The following KIAA1217 variants were observed in gnomAD, a reference collection of about 807,000 sequenced individuals.
The protein encoded by KIAA1217 is sickle tail protein homolog.
KIAA1217 carries 88 observed loss-of-function variants against 163.9 expected under a neutral mutation model. That is an observed-to-expected ratio of 0.54 (90% CI 0.45 to 0.64). The LOEUF is 0.64. KIAA1217 is among the 30% of genes least tolerant of loss of function. The pLI, the probability that KIAA1217 is intolerant of heterozygous loss-of-function variation, is 0.00. For synonymous variants in KIAA1217, 903 were observed against 923.1 expected (o/e 0.98, Z 0.39); for missense variants, 2,372 against 2,475.0 (o/e 0.96, Z 0.88).
At chr10:24,275,402 C>A (rs955313770) in intron 2 of KIAA1217, among the ~76,000 whole-genome samples, 6 of 152,178 alleles carry the variant, frequency 3.9e-5, no homozygotes, top group Admixed American at 1.3e-4. Context: ...GGAAAGGGTG[C>A]TTCCTTACAG....
rs1392267524 is a variant in KIAA1217 at position 24,473,725 on chromosome 10, A to G, written c.1344A>G (p.Gln448=). Residue 448 remains glutamine (Q), a synonymous_variant, in exon 6 of 21, where the codon CAA becomes CAG. Transcript: ENST00000376454. ...TGCAAGCGGAAATGCATATGGAACAATCACTGTACAGACAGAAATCAAGGA... is the reference window on the plus strand; with the variant it reads ...TGCAAGCGGAAATGCATATGGAACAGTCACTGTACAGACAGAAATCAAGGA... ...PSMQAEMHME[Q]SLYRQKSRKY... The G allele has an allele frequency of 2.5e-6, 4 of 1,614,064 alleles. No homozygotes were observed. Among genetic ancestry groups the G allele is most frequent in the Non-Finnish European group, 3.4e-6 (4 of 1,180,016 alleles).
At chr10:24,012,561 A>T (rs1847282730) in intron 2 of KIAA1217, among the ~76,000 whole-genome samples, 1 of 152,312 alleles carries the variant, frequency 6.6e-6, no homozygotes, top group South Asian at 2.1e-4. Context: ...TCTTCCTTCA[A>T]GGCTGGTGGG....
intron 1 of KIAA1217, among the ~76,000 whole-genome samples, chr10:23,880,762 A>C (rs1840914574): frequency 6.6e-6 from 1 of 151,930 alleles, no homozygotes; most frequent in Admixed American, 6.6e-5. Context: ...AAAAATTAAA[A>C]GAAGAAAACA....
chr10:24,294,151 G>A (rs894470656), intron 2 of KIAA1217, among the ~76,000 whole-genome samples: 25 of 116,158 alleles, frequency 2.2e-4, no homozygotes, highest in Admixed American at 1.3e-4. Flanking sequence ...TAGCGCCACT[G>A]CACTCCAGCC....
chr10:24,011,132 A>C (rs751071972), intron 2 of KIAA1217, among the ~76,000 whole-genome samples: 9 of 152,104 alleles, frequency 5.9e-5, no homozygotes, highest in Non-Finnish European at 1.3e-4. Context: ...TGAGTGTAGT[A>C]TTTCATGAGT....
intron 1 of KIAA1217, among the ~76,000 whole-genome samples, chr10:24,218,095 G>C (rs1435722656): frequency 6.6e-6 from 1 of 152,162 alleles, no homozygotes; most frequent in Non-Finnish European, 1.5e-5. Context: ...TCTTCGTGAA[G>C]AGCCTGACTT....
chr10:23,872,507 CT>C (rs1840502265), intron 1 of KIAA1217, among the ~76,000 whole-genome samples: 1 of 152,092 alleles, frequency 6.6e-6, no homozygotes, highest in Non-Finnish European at 1.5e-5. Flanking sequence ...CTTGCCAACA[CT>C]GCAGAGAGCT....
At chr10:23,918,727 A>AATATATAT (rs147936789) in intron 1 of KIAA1217, among the ~76,000 whole-genome samples, 4 of 146,050 alleles carry the variant, frequency 2.7e-5, no homozygotes, top group African/African-American at 1.0e-4. Flanking sequence ...TTAAGAATTA[A>AATATATAT]ATATATACAC....
chr10:24,460,812 C>T (rs548549246), intron 5 of KIAA1217, among the ~76,000 whole-genome samples: 9 of 152,208 alleles, frequency 5.9e-5, no homozygotes, highest in South Asian at 2.1e-4. Flanking sequence ...CGGGCTAAGA[C>T]GGTAACCCAG....
chr10:24,192,392 G>C (rs766172091), intron 2 of KIAA1217, among the ~76,000 whole-genome samples: 4 of 152,146 alleles, frequency 2.6e-5, no homozygotes, highest in Non-Finnish European at 5.9e-5. Context: ...AGGATAAGGG[G>C]AAGGTGCAAG....
At chr10:24,412,250 G>T (rs1032137122) in intron 3 of KIAA1217, among the ~76,000 whole-genome samples, 2 of 151,962 alleles carry the variant, frequency 1.3e-5, no homozygotes, top group African/African-American at 4.8e-5. Context: ...TTCGAGCCAT[G>T]TCTCATCTGA....
At chr10:23,740,386 G>A (rs2076398352) in intron 1 of KIAA1217, among the ~76,000 whole-genome samples, 1 of 152,116 alleles carries the variant, frequency 6.6e-6, no homozygotes, top group African/African-American at 2.4e-5. Context: ...TTTTGAAACA[G>A]GGCACTGTGT....
chr10:24,229,819 G>A (rs1486968936), intron 2 of KIAA1217, among the ~76,000 whole-genome samples: 1 of 152,014 alleles, frequency 6.6e-6, no homozygotes, highest in African/African-American at 2.4e-5. Flanking sequence ...CCTCAGAGCA[G>A]TTTTTTACCT....
chr10:24,487,617 T>A (rs145544089), intron 6 of KIAA1217, among the ~76,000 whole-genome samples: 1 of 143,192 alleles, frequency 7.0e-6, no homozygotes, highest in Non-Finnish European at 1.5e-5. Context: ...TTCCTCTAGA[T>A]CCTTGTAAAT....
rs1379950367 is a variant in KIAA1217 at position 24,446,478 on chromosome 10, G to T, written c.846+7999G>T. 4.6e-5 allele frequency among the ~76,000 whole-genome samples: 7 copies of T among 152,246 alleles called. No homozygotes were observed. The East Asian group carries it at 1.4e-3, about 29-fold the overall frequency. On this transcript the variant is annotated intron_variant, in intron 5 of 20. Transcript: ENST00000376454. ...GTCTGCAGTGGCCACTGAACTCAGA[G>T]CACTTTTTCTCACAGGGCAGTGTTC...
chr10:24,468,957 A>G (rs1341809202), intron 5 of KIAA1217, among the ~76,000 whole-genome samples: 1 of 152,044 alleles, frequency 6.6e-6, no homozygotes, highest in Non-Finnish European at 1.5e-5. Context: ...CATTTTTTGC[A>G]TGTCACCAAG....
At chr10:24,338,323 C>T (rs1259139711) in intron 2 of KIAA1217, among the ~76,000 whole-genome samples, 1 of 152,188 alleles carries the variant, frequency 6.6e-6, no homozygotes, top group East Asian at 1.9e-4. Flanking sequence ...TGAAGTGCAG[C>T]TTCTTAACAT....
chr10:24,297,434 C>G (rs1451792183), intron 2 of KIAA1217, among the ~76,000 whole-genome samples: 1 of 152,162 alleles, frequency 6.6e-6, no homozygotes, highest in Non-Finnish European at 1.5e-5. Context: ...TGCTCAGTCC[C>G]CATCTCAATG....
At chr10:24,140,534 G>A (rs1229698027) in intron 2 of KIAA1217, among the ~76,000 whole-genome samples, 20 of 152,146 alleles carry the variant, frequency 1.3e-4, no homozygotes, top group Admixed American at 1.3e-3. Context: ...CTAAGTGACT[G>A]TGGGTGGGTA....
Sources: allele counts gnomAD v4.1 joint callset (sites outside exome capture counted in the v4.1 genomes callset), GRCh38; gene constraint gnomAD v4.1.1; transcripts MANE v1.5; gene names NCBI Gene and HGNC (gene_info 2026-07-23, HGNC 2026-07-21).